The following FUT8 variants were observed in gnomAD, a reference collection of about 807,000 sequenced individuals.
The protein encoded by FUT8 is fucosyltransferase 8, also known as alpha-(1,6)-fucosyltransferase.
FUT8 carries 29 observed loss-of-function variants against 71.3 expected under a neutral mutation model. That is an observed-to-expected ratio of 0.41 (90% CI 0.30 to 0.55). FUT8 has a LOEUF of 0.55. Among genes scored for constraint, FUT8 ranks in the 20% least tolerant of loss-of-function variants. The pLI is 0.34. For synonymous variants in FUT8, 254 were observed against 239.3 expected (o/e 1.06, Z -0.57); for missense variants, 544 against 702.1 (o/e 0.77, Z 2.55).
In FUT8 at chr14:65,603,980, A is replaced by AG. The variant is rs1439841818; in HGVS notation, c.204-11998_204-11997insG. On this transcript the variant is annotated intron_variant, in intron 3 of 10. Transcript: ENST00000673929. This position sits in a 1 kb window ranked among gnomAD's most constrained non-coding sequence, Gnocchi z 4.5. ...ATTCTTACATCAGACAAAACAAAAA[A>AG]CAACAGCAACTAAAAAAGACAAAAG... 2.0e-5 allele frequency among the ~76,000 whole-genome samples: 3 copies of AG among 151,882 alleles called. No individual in the cohort carries two copies. The highest frequency in any genetic ancestry group is 1.3e-4 in the Admixed American group (2 of 15,224).
At chr14:65,408,472 A>T (rs1213720018), upstream of FUT8, among the ~76,000 whole-genome samples, 1 of 152,184 alleles carries the variant, frequency 6.6e-6, no homozygotes, top group African/African-American at 2.4e-5. Context: ...AAGCATGATA[A>T]ATCTCCTACC....
intron 3 of FUT8, among the ~76,000 whole-genome samples, chr14:65,588,843 G>A (rs997281265): frequency 2.6e-5 from 4 of 152,148 alleles, no homozygotes; most frequent in South Asian, 2.1e-4. Flanking sequence ...TAAAGTAAAC[G>A]TTATAATAAG....
At chr14:65,496,608 C>T (rs1028967866) in intron 2 of FUT8, among the ~76,000 whole-genome samples, 8 of 152,140 alleles carry the variant, frequency 5.3e-5, no homozygotes, top group African/African-American at 9.7e-5. Context: ...TTGCCTGCCG[C>T]CATGTAAGAC....
At chr14:65,465,580 T>C (rs192468570) in intron 2 of FUT8, among the ~76,000 whole-genome samples, 2 of 152,386 alleles carry the variant, frequency 1.3e-5, no homozygotes, top group East Asian at 3.8e-4. Context: ...TGTTTAAACA[T>C]CTCCAAATAT....
the FUT8 span, among the ~76,000 whole-genome samples, chr14:65,399,000 A>G: frequency 8.5e-5 from 13 of 152,306 alleles, 1 homozygote; most frequent in Admixed American, 2.6e-4. Flanking sequence ...CCTCTCTGTT[A>G]CTAAGTTAAG....
At chr14:65,675,638 GT>G (rs1892675869) in intron 7 of FUT8, among the ~76,000 whole-genome samples, 1 of 152,098 alleles carries the variant, frequency 6.6e-6, no homozygotes, top group Non-Finnish European at 1.5e-5. Flanking sequence ...GTACTTCTAG[GT>G]TATTTACCTT....
At chr14:65,721,226 C>T (rs529355706) in intron 7 of FUT8, among the ~76,000 whole-genome samples, 1 of 146,014 alleles carries the variant, frequency 6.8e-6, no homozygotes, top group Admixed American at 6.9e-5. Context: ...CATCTTGCTT[C>T]ATCTCCCTCC....
chr14:65,637,579 C>T (rs756356712), intron 6 of FUT8, among the ~76,000 whole-genome samples: 6 of 151,958 alleles, frequency 3.9e-5, no homozygotes, highest in Non-Finnish European at 7.4e-5. Flanking sequence ...AAAGAAATAA[C>T]AGTAAAGATT....
Position 65,677,148 on chromosome 14 carries a change from GTGTGCGCGCGCGCATGCGCGCGCACGTA to G in FUT8, c.835+7673_835+7700del, listed in dbSNP as rs756412757. ...TGTGTGTGTGTGTGTGTGTGTGTGT[GTGTGCGCGCGCGCATGCGCGCGCACGTA>G]TGTGTGTGCGCATGTGTGTTTTTAA... On this transcript the variant is annotated intron_variant, in intron 7 of 10. Coordinates refer to ENST00000673929, the MANE Select transcript of FUT8 (RefSeq NM_001371533.1). 6.6e-3 allele frequency among the ~76,000 whole-genome samples: 758 copies of G among 114,116 alleles called. 5 individuals carry two copies. The highest frequency in any genetic ancestry group is 0.017 in the African/African-American group (506 of 29,514). The allele number at this position is 114,116 out of a possible 152,430, so 74.9% of individuals were successfully genotyped here.
At chr14:65,395,364 C>T in the FUT8 span, among the ~76,000 whole-genome samples, 4 of 152,234 alleles carry the variant, frequency 2.6e-5, no homozygotes, top group Non-Finnish European at 5.9e-5. Flanking sequence ...CTGCACTGCC[C>T]TAGCAGAGGT....
intron 2 of FUT8, among the ~76,000 whole-genome samples, chr14:65,506,276 T>C (rs768187410): frequency 6.6e-6 from 1 of 152,182 alleles, no homozygotes; most frequent in Non-Finnish European, 1.5e-5. Context: ...AAGCCAGAAA[T>C]ATAAAAAGTA....
At chr14:65,515,352 GA>G (rs570114816) in intron 2 of FUT8, among the ~76,000 whole-genome samples, 363 of 152,122 alleles carry the variant, frequency 2.4e-3, no homozygotes, top group Middle Eastern at 6.8e-3. Flanking sequence ...AGATAATAGG[GA>G]AATTATGCAT....
At chr14:65,596,498 A>G (rs778090435) in intron 3 of FUT8, among the ~76,000 whole-genome samples, 3 of 152,212 alleles carry the variant, frequency 2.0e-5, no homozygotes, top group Non-Finnish European at 4.4e-5. Context: ...TTCCTTTCTT[A>G]CATGATCAGC....
intron 2 of FUT8, among the ~76,000 whole-genome samples, chr14:65,501,840 T>TA (rs1175185687): frequency 6.6e-6 from 1 of 151,998 alleles, no homozygotes; most frequent in Non-Finnish European, 1.5e-5. Context: ...TATTATTATT[T>TA]AAAAAATTAA....
At chr14:65,678,180 T>C (rs943759209) in intron 7 of FUT8, among the ~76,000 whole-genome samples, 6 of 152,242 alleles carry the variant, frequency 3.9e-5, no homozygotes, top group Admixed American at 6.5e-5. Context: ...AATAATAGCA[T>C]GATTGGGTTA....
At chr14:65,544,995 T>A (rs1008160643) in intron 2 of FUT8, among the ~76,000 whole-genome samples, 7 of 151,714 alleles carry the variant, frequency 4.6e-5, no homozygotes, top group African/African-American at 1.7e-4. Context: ...TCCCCTCCTC[T>A]CCTCTTTCTT....
intron 2 of FUT8, among the ~76,000 whole-genome samples, chr14:65,474,247 ATTTC>A (rs1446730670): frequency 7.9e-5 from 12 of 151,648 alleles, no homozygotes; most frequent in Non-Finnish European, 1.6e-4. Flanking sequence ...ACCACTATAC[ATTTC>A]ATCCATGTAA....
chr14:65,482,310 C>T (rs2066343028), intron 2 of FUT8, among the ~76,000 whole-genome samples: 1 of 151,808 alleles, frequency 6.6e-6, no homozygotes, highest in African/African-American at 2.4e-5. Context: ...TTATTTTGTT[C>T]CACTGACCTC....
intron 1 of FUT8, among the ~76,000 whole-genome samples, chr14:65,424,191 T>C (rs999467557): frequency 6.6e-6 from 1 of 152,216 alleles, no homozygotes; most frequent in Non-Finnish European, 1.5e-5. Context: ...ACTGCTTGCT[T>C]GGAGATGATT....
Sources: gnomAD v4.1 joint callset for allele counts (sites outside exome capture counted in the v4.1 genomes callset) on GRCh38, gnomAD v4.1.1 for gene constraint, Gnocchi (gnomAD v3.1) non-coding constraint, MANE v1.5 for transcripts, NCBI Gene and HGNC (gene_info 2026-07-23, HGNC 2026-07-21) for gene names.